Variants in LCLAT1 observed in about 807,000 individuals in gnomAD.
The protein encoded by LCLAT1 is lysocardiolipin acyltransferase 1, also known as 1-AGP acyltransferase 8.
A neutral mutation model predicts 30.7 loss-of-function variants in LCLAT1; 11 were observed. That is an observed-to-expected ratio of 0.36 (90% confidence interval 0.23 to 0.59). The LOEUF (loss-of-function observed/expected upper bound fraction) is 0.59. LCLAT1 is among the 20% of genes least tolerant of loss of function. The probability of loss-of-function intolerance (pLI) is 0.77; values close to 1 mark genes in which losing one functional copy is unlikely to be tolerated. For synonymous variants in LCLAT1, 155 were observed against 151.3 expected (o/e 1.02, Z -0.18); for missense variants, 402 against 458.6 (o/e 0.88, Z 1.13).
At chr2:30,569,617 T>TC (rs3029427) in intron 5 of LCLAT1, among the ~76,000 whole-genome samples, 1 of 151,706 alleles carries the variant, frequency 6.6e-6, no homozygotes, top group African/African-American at 2.4e-5. Context: ...ATGAAGTTCT[T>TC]TCCCTAAATG....
chr2:30,493,610 C>A (rs920753420), intron 1 of LCLAT1, among the ~76,000 whole-genome samples: 3 of 152,300 alleles, frequency 2.0e-5, no homozygotes, highest in South Asian at 2.1e-4. Context: ...TAACCCCCAA[C>A]TGTAGTCAAG....
chr2:30,578,627 T>G (rs1468660500), intron 5 of LCLAT1, among the ~76,000 whole-genome samples: 2 of 152,174 alleles, frequency 1.3e-5, no homozygotes, highest in Non-Finnish European at 2.9e-5. Context: ...CTACGTTCAG[T>G]TAACCAGCAC....
At chr2:30,592,147 C>T (rs1265962641) in intron 5 of LCLAT1, among the ~76,000 whole-genome samples, 1 of 152,104 alleles carries the variant, frequency 6.6e-6, no homozygotes, top group Non-Finnish European at 1.5e-5. Flanking sequence ...TTCCCATATT[C>T]CAACATGCAC....
intron 5 of LCLAT1, among the ~76,000 whole-genome samples, chr2:30,572,577 A>G (rs1157977274): frequency 3.3e-5 from 5 of 152,282 alleles, no homozygotes; most frequent in East Asian, 1.9e-4. Flanking sequence ...CCGTTTAGCA[A>G]CTTTCACAGG....
At position 30,557,694 on chromosome 2, in the gene LCLAT1, C is replaced by T. The variant is rs929482778; in HGVS notation, c.365-4452C>T. ...CCTCCCAAAGTGCTGGGATTACAGG[C>T]GTGAGCCACTGTGCCCTGCCCACAT... On this transcript the variant is annotated intron_variant, in intron 3 of 5. Coordinates refer to ENST00000379509, the MANE Select transcript of LCLAT1 (RefSeq NM_001002257.3). 4.6e-5 allele frequency among the ~76,000 whole-genome samples: 7 copies of T among 152,066 alleles called. No homozygotes were observed. The South Asian group carries it at 6.2e-4, about 14-fold the overall frequency.
At chr2:30,531,482 CAT>C (rs1434158461) in intron 2 of LCLAT1, among the ~76,000 whole-genome samples, 3 of 152,110 alleles carry the variant, frequency 2.0e-5, no homozygotes, top group Admixed American at 1.3e-4. Flanking sequence ...TACACATTGA[CAT>C]ATCTTTATAT....
chr2:30,498,255 G>A (rs1684211100), intron 1 of LCLAT1, among the ~76,000 whole-genome samples: 1 of 152,174 alleles, frequency 6.6e-6, no homozygotes, highest in African/African-American at 2.4e-5. Context: ...GGCTGTTTTG[G>A]AGAAAGCACC....
intron 5 of LCLAT1, among the ~76,000 whole-genome samples, chr2:30,638,748 A>G (rs1444050313): frequency 4.6e-5 from 5 of 107,872 alleles, no homozygotes; most frequent in Non-Finnish European, 6.7e-5. Context: ...CCAAAAACAA[A>G]CCTGGATTGA....
At chr2:30,593,625 AAATTGCTTTGGGT>A (rs1178059140) in intron 5 of LCLAT1, among the ~76,000 whole-genome samples, 2 of 152,314 alleles carry the variant, frequency 1.3e-5, no homozygotes, top group Admixed American at 1.3e-4. Flanking sequence ...ATTAACCTGC[AAATTGCTTTGGGT>A]AATACTACTA....
rs566099520 is a variant in LCLAT1, at chr2:30,591,440, T to G, written c.628+23264T>G. Among the ~76,000 whole-genome samples, 74 of 152,330 alleles carry G rather than the reference T, an allele frequency of 4.9e-4. No homozygotes were observed. In the East Asian group the frequency reaches 9.8e-3, roughly 20 times the overall value. ...CTTTGAGTTTAGCATTGGCCTTAAG[T>G]ACAATATTTATGTTGCATCCTTTAA... On this transcript the variant is annotated intron_variant, in intron 5 of 5. Transcript: ENST00000379509.
intron 5 of LCLAT1, among the ~76,000 whole-genome samples, chr2:30,632,629 AG>A (rs1384344883): frequency 6.6e-6 from 1 of 152,242 alleles, no homozygotes; most frequent in African/African-American, 2.4e-5. Flanking sequence ...TCCCACCTAG[AG>A]GAAGAATAAT....
intron 3 of LCLAT1, among the ~76,000 whole-genome samples, chr2:30,541,863 C>T (rs911764868): frequency 6.6e-6 from 1 of 152,156 alleles, no homozygotes; most frequent in Non-Finnish European, 1.5e-5. Flanking sequence ...CCAGGTGTCC[C>T]ATATCCTTGT....
chr2:30,470,080 A>T (rs1682699811), intron 1 of LCLAT1, among the ~76,000 whole-genome samples: 1 of 152,144 alleles, frequency 6.6e-6, no homozygotes, highest in South Asian at 2.1e-4. Flanking sequence ...CACGAGTGTC[A>T]AAATGGTCTT....
chr2:30,531,784 T>C (rs1387125319), intron 2 of LCLAT1, among the ~76,000 whole-genome samples: 4 of 152,234 alleles, frequency 2.6e-5, no homozygotes, highest in Non-Finnish European at 4.4e-5. Flanking sequence ...GATCCTGTTA[T>C]GTTTTTCAAA....
At chr2:30,639,100 C>G (rs1483642349) in intron 5 of LCLAT1, among the ~76,000 whole-genome samples, 2 of 152,180 alleles carry the variant, frequency 1.3e-5, no homozygotes, top group African/African-American at 2.4e-5. Context: ...CTGCCACCTA[C>G]AGAATTGAGT....
intron 3 of LCLAT1, among the ~76,000 whole-genome samples, chr2:30,539,021 G>A (rs1432471585): frequency 6.7e-6 from 1 of 149,990 alleles, no homozygotes; most frequent in African/African-American, 2.5e-5. Context: ...GTGCAGTGGT[G>A]TGATATTGGC....
intron 1 of LCLAT1, among the ~76,000 whole-genome samples, chr2:30,478,331 C>T (rs1683146500): frequency 6.6e-6 from 1 of 152,082 alleles, no homozygotes. Context: ...TGGGAAAATG[C>T]ATTCTGAATT....
chr2:30,595,910 GGTTA>G (rs1666909450), intron 5 of LCLAT1, among the ~76,000 whole-genome samples: 1 of 151,978 alleles, frequency 6.6e-6, no homozygotes, highest in Non-Finnish European at 1.5e-5. Context: ...TCTGTTCCCG[GGTTA>G]GTTTGTTGAG....
At chr2:30,537,081 A>G (rs987772254) in intron 3 of LCLAT1, among the ~76,000 whole-genome samples, 4 of 152,224 alleles carry the variant, frequency 2.6e-5, no homozygotes, top group African/African-American at 7.2e-5. Context: ...AGTGTATCAG[A>G]TAAGATAGAC....
Sources: allele counts gnomAD v4.1 joint callset (sites outside exome capture counted in the v4.1 genomes callset), GRCh38; gene constraint gnomAD v4.1.1; transcripts MANE v1.5; gene names NCBI Gene and HGNC (gene_info 2026-07-23, HGNC 2026-07-21).